SLC4A4: variants seen among roughly 807,000 people sequenced by gnomAD.
SLC4A4 encodes electrogenic sodium bicarbonate cotransporter 1.
Under a neutral mutation model 111.5 loss-of-function variants are expected in SLC4A4, and 27 were observed. That is an observed-to-expected ratio of 0.24 (90% CI 0.18 to 0.33). SLC4A4 has a LOEUF of 0.33. Among genes scored for constraint, SLC4A4 ranks in the 10% least tolerant of loss-of-function variants. The pLI is 1.00. For synonymous variants in SLC4A4, 443 were observed against 463.4 expected, an observed-to-expected ratio of 0.96 and a Z score of 0.57; for missense variants, 909 against 1,315.5, an observed-to-expected ratio of 0.69 and a Z score of 4.78.
intron 7 of SLC4A4, among the ~76,000 whole-genome samples, chr4:71,408,520 T>C (rs563209134): frequency 2.6e-5 from 4 of 152,334 alleles, no homozygotes; most frequent in Middle Eastern, 6.8e-3. Context: ...CCTTATCTTT[T>C]AAATTTGCAT....
chr4:71,356,995 G>C lies in SLC4A4; in HGVS notation c.551-13G>C. The stretch of plus-strand genomic sequence containing the variant: ...TGACTGAGTTTTGTTTTTTGCTTTT[G>C]TTTTTGTACCAGAGATGATTGTTGA... On this transcript the variant is annotated splice_polypyrimidine_tract_variant and intron_variant, in intron 5 of 25. Transcript: ENST00000264485. The C allele has an allele frequency of 6.2e-7, 1 of 1,611,476 alleles. No individual in the cohort carries two copies.
intron 7 of SLC4A4, among the ~76,000 whole-genome samples, chr4:71,420,268 A>G (rs1373398978): frequency 2.0e-5 from 3 of 152,226 alleles, no homozygotes; most frequent in Non-Finnish European, 4.4e-5. Context: ...AAATGAAGCA[A>G]GAAGGGAAAT....
At chr4:71,393,654 GA>G (rs201226667) in intron 6 of SLC4A4, among the ~76,000 whole-genome samples, 3 of 150,838 alleles carry the variant, frequency 2.0e-5, no homozygotes, top group Non-Finnish European at 3.0e-5. Flanking sequence ...CACTGAGTTA[GA>G]AAAAAAAATT....
intron 14 of SLC4A4, among the ~76,000 whole-genome samples, chr4:71,477,284 C>T (rs1407294378): frequency 6.6e-6 from 1 of 151,712 alleles, no homozygotes. Flanking sequence ...CTAATGGACA[C>T]TGAGTAAAAA....
chr4:71,425,263 G>C (rs1009079226), intron 7 of SLC4A4, among the ~76,000 whole-genome samples: 1 of 152,098 alleles, frequency 6.6e-6, no homozygotes, highest in Non-Finnish European at 1.5e-5. Context: ...ATTGTTGGCT[G>C]AGGTTTTGTC....
At chr4:71,233,893 T>G (rs1222591502) in intron 1 of SLC4A4, among the ~76,000 whole-genome samples, 2 of 152,172 alleles carry the variant, frequency 1.3e-5, no homozygotes, top group African/African-American at 4.8e-5. Flanking sequence ...TTAGAACTCT[T>G]CATTGGCTCC....
rs778680729 is a variant in SLC4A4 at position 71,566,992 on chromosome 4, T to G, written c.3197-12T>G. ...TCTACCATTTATGTTTTTAAAAAAT[T>G]TTATTTTCCAGGAGAAAGATCACCA... On this transcript the variant is annotated splice_polypyrimidine_tract_variant and intron_variant, in intron 24 of 25. Transcript: ENST00000264485. 5 of 1,607,372 alleles carry G rather than the reference T, an allele frequency of 3.1e-6. No homozygotes were observed. In the African/African-American group the frequency reaches 6.7e-5, roughly 22 times the overall value.
intron 3 of SLC4A4, among the ~76,000 whole-genome samples, chr4:71,325,254 G>T (rs867821815): frequency 6.6e-6 from 1 of 151,712 alleles, no homozygotes; most frequent in Admixed American, 6.6e-5. Context: ...AAAAAAAAAG[G>T]TTGTTCAATG....
Position 71,534,223 on chromosome 4 carries a change from C to G in SLC4A4, c.2281-4C>G, listed in dbSNP as rs767173940. ...TCTGAAAAATGTCATCTGTCTTTTTCAAGCCAACAAGTCCAAACCGAGGTT... is the reference window on the plus strand; with the variant it reads ...TCTGAAAAATGTCATCTGTCTTTTTGAAGCCAACAAGTCCAAACCGAGGTT... On this transcript the variant is annotated splice_polypyrimidine_tract_variant and splice_region_variant and intron_variant, in intron 17 of 25. Coordinates refer to ENST00000264485, the MANE Select transcript of SLC4A4 (RefSeq NM_001098484.3). The G allele has an allele frequency of 7.4e-6, 12 of 1,613,370 alleles. No homozygotes were observed. The South Asian group carries it at 1.3e-4, about 18-fold the overall frequency.
chr4:71,149,251 CATT>C (rs1050437231), intron 2 of SLC4A4, among the ~76,000 whole-genome samples: 1 of 151,502 alleles, frequency 6.6e-6, no homozygotes, highest in Non-Finnish European at 1.5e-5. Flanking sequence ...TGAAGGCACT[CATT>C]ATTATTATTA....
At chr4:71,099,135 C>T (rs1035408415) in intron 2 of SLC4A4, among the ~76,000 whole-genome samples, 5 of 152,160 alleles carry the variant, frequency 3.3e-5, no homozygotes, top group Non-Finnish European at 7.4e-5. Flanking sequence ...GAACTCTCCA[C>T]CCCTAAACAA....
intron 1 of SLC4A4, among the ~76,000 whole-genome samples, chr4:71,073,492 C>T (rs1741721598): frequency 6.6e-6 from 1 of 152,142 alleles, no homozygotes; most frequent in African/African-American, 2.4e-5. Context: ...TTCAAGTATT[C>T]TGTTCAAATG....
intron 13 of SLC4A4, among the ~76,000 whole-genome samples, chr4:71,466,965 G>GA (rs1553917338): frequency 0.41 from 45,049 of 108,762 alleles, 12,006 homozygotes; most frequent in Non-Finnish European, 0.57. Flanking sequence ...GAGAGAGAGA[G>GA]GGAGAGAGAG....
intron 7 of SLC4A4, among the ~76,000 whole-genome samples, chr4:71,402,247 A>T (rs938169557): frequency 3.6e-4 from 55 of 152,210 alleles, no homozygotes; most frequent in African/African-American, 1.3e-3. Context: ...ACATCCTGTG[A>T]TTATTGGGGG....
At chr4:71,433,668 T>A (rs909606678) in intron 7 of SLC4A4, among the ~76,000 whole-genome samples, 4 of 152,164 alleles carry the variant, frequency 2.6e-5, no homozygotes, top group African/African-American at 9.6e-5. Flanking sequence ...TTGGCTTTTG[T>A]TGCTATTGCT....
chr4:71,388,441 CTGAG>C (rs1718965219), intron 6 of SLC4A4, among the ~76,000 whole-genome samples: 1 of 152,100 alleles, frequency 6.6e-6, no homozygotes, highest in Non-Finnish European at 1.5e-5. Flanking sequence ...GCTTTCTCAG[CTGAG>C]TGGAGATTTT....
At chr4:71,107,573 C>T (rs1160148265) in intron 2 of SLC4A4, among the ~76,000 whole-genome samples, 1 of 152,120 alleles carries the variant, frequency 6.6e-6, no homozygotes, top group African/African-American at 2.4e-5. Flanking sequence ...TGGTCTCAAA[C>T]TCCCGACCTC....
At chr4:71,080,038 CT>C (rs1241721448) in intron 1 of SLC4A4, among the ~76,000 whole-genome samples, 1 of 152,064 alleles carries the variant, frequency 6.6e-6, no homozygotes, top group Non-Finnish European at 1.5e-5. Flanking sequence ...TGATCAGCCT[CT>C]GGAGGGTGGT....
chr4:71,288,757 T>C (rs1327685493), intron 3 of SLC4A4, among the ~76,000 whole-genome samples: 2 of 152,154 alleles, frequency 1.3e-5, no homozygotes, highest in Non-Finnish European at 2.9e-5. Flanking sequence ...GCCAGTATCC[T>C]CATTTGAGAC....
Sources: gnomAD v4.1 joint callset for allele counts (sites outside exome capture counted in the v4.1 genomes callset) on GRCh38, gnomAD v4.1.1 for gene constraint, MANE v1.5 for transcripts, NCBI Gene and HGNC (gene_info 2026-07-23, HGNC 2026-07-21) for gene names.